The following SYNE3 variants were observed in gnomAD, a reference collection of about 807,000 sequenced individuals.
SYNE3 encodes the protein nesprin-3.
Under a neutral mutation model 111.2 loss-of-function variants are expected in SYNE3, and 100 were observed. The ratio of observed to expected loss-of-function variants is 0.90; its 90% CI spans 0.77 to 1.06. The LOEUF (loss-of-function observed/expected upper bound fraction) is 1.06. SYNE3 is among the 50% of genes least tolerant of loss of function. The pLI, the probability that SYNE3 is intolerant of heterozygous loss-of-function variation, is 0.00. For missense variants in SYNE3, 1,160 were observed against 1,240.3 expected (o/e 0.94, Z 0.97); for synonymous variants, 547 against 533.9 (o/e 1.02, Z -0.34).
chr14:95,462,450 G>A (rs370936729), intron 4 of SYNE3, among the ~76,000 whole-genome samples: 2 of 152,244 alleles, frequency 1.3e-5, no homozygotes, highest in South Asian at 2.1e-4. Flanking sequence ...AAACAACAGC[G>A]CCCCATTTCC....
intron 15 of SYNE3, among the ~76,000 whole-genome samples, 198 bp downstream of exon 15, chr14:95,436,622 G>A (rs1886099397): frequency 6.6e-6 from 1 of 152,216 alleles, no homozygotes; most frequent in Non-Finnish European, 1.5e-5. Flanking sequence ...AACTACATAA[G>A]CATGCTGAAC....
chr14:95,438,365 G>A (rs1595189964), intron 14 of SYNE3: 1 of 152,252 alleles, frequency 6.6e-6, no homozygotes, highest in African/African-American at 2.4e-5. Flanking sequence ...TGAGATTGTA[G>A]GTGTAGCTCA....
At chr14:95,452,489 A>G (rs7145199) in intron 6 of SYNE3, 106 bp from the exon 7 acceptor site, 120,056 of 1,364,672 alleles carry the variant, frequency 0.088, 5,807 homozygotes, top group Middle Eastern at 0.15. Flanking sequence ...TAGGCTAGGA[A>G]GAAACTGTCA....
At chr14:95,504,113 A>G (rs542634922) in intron 1 of SYNE3, among the ~76,000 whole-genome samples, 1 of 152,310 alleles carries the variant, frequency 6.6e-6, no homozygotes, top group East Asian at 1.9e-4. Context: ...AAGAATAATA[A>G]TGTTTCATGG....
Position 95,466,000 on chromosome 14 carries a change from G to T in SYNE3, c.558C>A (p.Asp186Glu). Residue 186 changes from aspartate (D) to glutamate (E), a missense_variant, in exon 4 of 18, where the codon GAC becomes GAA. Physicochemically the swap from Asp to Glu is conservative, Grantham distance 45. Transcript: ENST00000682763. Reference protein sequence around the residue: ...EAASLFNRIGDPSVDEDAQKR... With the variant: ...EAASLFNRIGEPSVDEDAQKR... ...TCTGGGCATCTTCGTCCACGCTGGGGTCCCCGATCCTGTTGAACAGGGAGG... is the reference window on the plus strand; with the variant it reads ...TCTGGGCATCTTCGTCCACGCTGGGTTCCCCGATCCTGTTGAACAGGGAGG... 1 of 1,609,712 alleles carries T rather than the reference G, an allele frequency of 6.2e-7. No individual in the cohort carries two copies.
At chr14:95,504,547 A>G (rs1890457589) in intron 1 of SYNE3, among the ~76,000 whole-genome samples, 2 of 152,254 alleles carry the variant, frequency 1.3e-5, no homozygotes, top group Non-Finnish European at 1.5e-5. Context: ...GGCCTTTGCC[A>G]CTAAGCTGAG....
chr14:95,457,938 G>A (rs1268878928), intron 4 of SYNE3, among the ~76,000 whole-genome samples: 1 of 152,146 alleles, frequency 6.6e-6, no homozygotes, highest in Non-Finnish European at 1.5e-5. Context: ...GTGTCCACAG[G>A]GTATGCAAAT....
chr14:95,486,581 T>G (rs932535), intron 1 of SYNE3, among the ~76,000 whole-genome samples: 9,044 of 152,168 alleles, frequency 0.059, 466 homozygotes, highest in African/African-American at 0.14. Context: ...CAAGAATGGT[T>G]CAATGACCAC....
In SYNE3 at chr14:95,439,672, T is replaced by A. The variant is rs758978380; in HGVS notation, c.2186A>T (p.Glu729Val). Residue 729 changes from glutamate (E) to valine (V), a missense_variant, in exon 13 of 18, where the codon GAG (glutamate) becomes GTG (valine). Physicochemically the swap from Glu to Val is moderately radical, Grantham distance 121. Transcript: ENST00000682763. ...SPEGAAVVQE[E>V]LRELAESWRA... is the part of the protein sequence containing the mutation. ...CCACGACTCTGCCAGCTCCCTGAGC[T>A]CCTCCTGCACCACGGCAGCACCCTC... The A allele has an allele frequency of 5.0e-6, 8 of 1,613,852 alleles. No homozygotes were observed. In the Admixed American group the frequency reaches 1.2e-4, roughly 24 times the overall value.
intron 1 of SYNE3, among the ~76,000 whole-genome samples, chr14:95,480,684 A>C (rs1479309844): frequency 2.0e-5 from 3 of 152,226 alleles, no homozygotes; most frequent in African/African-American, 7.2e-5. Flanking sequence ...AAGAAAGCTC[A>C]GAGTGCTTTG....
intron 2 of SYNE3, among the ~76,000 whole-genome samples, chr14:95,473,238 G>C (rs890905356): frequency 4.6e-5 from 7 of 152,168 alleles, no homozygotes; most frequent in African/African-American, 1.7e-4. Flanking sequence ...GCTCACAGAA[G>C]TGCTGCCTCT....
intron 15 of SYNE3, among the ~76,000 whole-genome samples, chr14:95,434,958 C>T (rs1311613030): frequency 6.6e-6 from 1 of 152,206 alleles, no homozygotes; most frequent in Non-Finnish European, 1.5e-5. Context: ...CCTGCCTATC[C>T]TAAATCTTAA....
At position 95,444,601 on chromosome 14, in the gene SYNE3, C is replaced by T. The variant is rs779628602; in HGVS notation, c.1660G>A (p.Gly554Arg). 1 of 1,610,254 alleles carries T rather than the reference C, an allele frequency of 6.2e-7. No individual in the cohort carries two copies. The highest frequency in any genetic ancestry group is 8.5e-7 in the Non-Finnish European group (1 of 1,177,580). ...QSLLAQHKDF[G>R]AAFEPLQRKL... ...CTCTGCAGGGGCTCAAAAGCTGCTCCAAAGTCTTTGTGCTGAGCGAGCAGG... is the reference window on the plus strand; with the variant it reads ...CTCTGCAGGGGCTCAAAAGCTGCTCTAAAGTCTTTGTGCTGAGCGAGCAGG... Residue 554 changes from glycine to arginine, a missense_variant, in exon 10 of 18, where the codon GGA becomes AGA. Physicochemically the swap from Gly to Arg is moderately radical, Grantham distance 125 (BLOSUM62 -2). Coordinates refer to ENST00000682763, the MANE Select transcript of SYNE3 (RefSeq NM_152592.6).
At chr14:95,498,130 T>TA (rs1322522434) in intron 1 of SYNE3, among the ~76,000 whole-genome samples, 4 of 151,862 alleles carry the variant, frequency 2.6e-5, no homozygotes. Flanking sequence ...CAATTTTTTT[T>TA]AAAAAAATTA....
chr14:95,441,222 G>A (rs1886397741), intron 11 of SYNE3, among the ~76,000 whole-genome samples: 1 of 152,186 alleles, frequency 6.6e-6, no homozygotes, highest in African/African-American at 2.4e-5. Context: ...TGGATACCAG[G>A]CCCATACCAG....
intron 17 of SYNE3, chr14:95,429,883 C>T (rs1161492083): frequency 2.1e-6 from 2 of 965,142 alleles, no homozygotes; most frequent in Non-Finnish European, 2.5e-6. Context: ...CTGGTCCCAT[C>T]CCCCTCTCTC....
intron 1 of SYNE3, among the ~76,000 whole-genome samples, chr14:95,493,981 C>A (rs1207671665): frequency 6.6e-6 from 1 of 151,964 alleles, no homozygotes; most frequent in African/African-American, 2.4e-5. Flanking sequence ...CATGGCCTGC[C>A]CAAGATTCCA....
chr14:95,486,869 A>G (rs1889577765), intron 1 of SYNE3, among the ~76,000 whole-genome samples: 1 of 152,212 alleles, frequency 6.6e-6, no homozygotes, highest in Admixed American at 6.5e-5. Flanking sequence ...TGACACCCCA[A>G]GGTGAGGGAC....
chr14:95,422,470 T>C (rs1360790758), intron 17 of SYNE3, among the ~76,000 whole-genome samples: 1 of 152,112 alleles, frequency 6.6e-6, no homozygotes, highest in East Asian at 1.9e-4. Flanking sequence ...CTTCCTACTA[T>C]CCCACGTGGC....
Sources: allele counts gnomAD v4.1 joint callset (sites outside exome capture counted in the v4.1 genomes callset), GRCh38; gene constraint gnomAD v4.1.1; transcripts MANE v1.5; gene names NCBI Gene and HGNC (gene_info 2026-07-23, HGNC 2026-07-21).